FHOD3: variants seen among roughly 807,000 people sequenced by gnomAD.
FHOD3 encodes the protein formin homology 2 domain containing 3.
A neutral mutation model predicts 173.0 loss-of-function variants in FHOD3; 90 were observed. The observed-to-expected ratio is 0.52, with a 90% CI of 0.44 to 0.62. The LOEUF (loss-of-function observed/expected upper bound fraction) is 0.62, where lower values mean the gene tolerates loss of function less well. Among genes scored for constraint, FHOD3 ranks in the 20% least tolerant of loss-of-function variants. FHOD3 has a pLI of 0.00. For missense variants in FHOD3, 1,945 were observed against 2,034.7 expected, an observed-to-expected ratio of 0.96 and a Z score of 0.85; for synonymous variants, 828 against 823.0, an observed-to-expected ratio of 1.01 and a Z score of -0.10.
intron 3 of FHOD3, among the ~76,000 whole-genome samples, chr18:36,460,037 T>C (rs574543960): frequency 6.6e-6 from 1 of 152,338 alleles, no homozygotes; most frequent in Non-Finnish European, 1.5e-5. Context: ...TCGATTGTGA[T>C]TTGTCTCATG....
intron 3 of FHOD3, among the ~76,000 whole-genome samples, chr18:36,468,969 C>T (rs1001968619): frequency 1.3e-5 from 2 of 152,128 alleles, no homozygotes; most frequent in Admixed American, 6.5e-5. Context: ...AGGAGTCGGA[C>T]AGTTAACAAG....
rs992056617 is a variant in FHOD3, at chr18:36,703,555, C to T, written c.2237-5540C>T. On this transcript the variant is annotated intron_variant, in intron 17 of 28. Coordinates refer to ENST00000590592, the MANE Select transcript of FHOD3 (RefSeq NM_001281740.3). ...GGATGATGTAATATGATTCCTGGTA[C>T]AGCATCTGGGTGTAGAAGGTGCTCA... is the stretch of plus-strand genomic sequence containing the variant. Among the ~76,000 whole-genome samples, 3 of 152,284 alleles carry T rather than the reference C, an allele frequency of 2.0e-5. No individual in the cohort carries two copies. The East Asian group carries it at 5.8e-4, about 29-fold the overall frequency.
chr18:36,777,813 T>C (rs1337043855), intron 28 of FHOD3: 1 of 152,114 alleles, frequency 6.6e-6, no homozygotes, highest in Non-Finnish European at 1.5e-5. Flanking sequence ...GAGGAGCTAG[T>C]GCAAGAACAG....
chr18:36,709,130 G>A lies in FHOD3; in HGVS notation c.2272G>A (p.Glu758Lys), dbSNP rs771767630. 7 of 1,613,816 alleles carry A rather than the reference G, an allele frequency of 4.3e-6. No individual in the cohort carries two copies. The Middle Eastern group carries it at 5.0e-4, about 114-fold the overall frequency. The change falls in exon 18 of 29, where the codon GAA becomes AAA. Residue 758 changes from glutamate (E) to lysine (K), a missense_variant. Coordinates refer to ENST00000590592, the MANE Select transcript of FHOD3 (RefSeq NM_001281740.3). Reference protein sequence around the residue: ...AGDPEPESEAEPEAEAGAGQV... With the variant: ...AGDPEPESEAKPEAEAGAGQV... The stretch of plus-strand genomic sequence containing the variant: ...GGATCCTGAACCCGAATCAGAGGCA[G>A]AACCGGAAGCAGAGGCAGGGGCGGG...
chr18:36,517,210 C>T (rs766271436), intron 5 of FHOD3, among the ~76,000 whole-genome samples: 2 of 152,040 alleles, frequency 1.3e-5, no homozygotes, highest in Non-Finnish European at 2.9e-5. Flanking sequence ...TTGGGATAGC[C>T]AGTATTTAAT....
intron 3 of FHOD3, among the ~76,000 whole-genome samples, chr18:36,464,862 T>G (rs1384618152): frequency 2.0e-5 from 3 of 152,146 alleles, no homozygotes; most frequent in African/African-American, 7.2e-5. Context: ...TCTTCCTTCT[T>G]TCTTGTGTAC....
chr18:36,654,112 G>A (rs997617721), intron 13 of FHOD3, among the ~76,000 whole-genome samples: 6 of 152,080 alleles, frequency 3.9e-5, no homozygotes, highest in African/African-American at 1.4e-4. Flanking sequence ...ACCCTGCCAA[G>A]GCAAGTCCTT....
intron 10 of FHOD3, 26 bp downstream of exon 10, chr18:36,625,775 G>C: frequency 3.2e-6 from 5 of 1,566,056 alleles, no homozygotes; most frequent in South Asian, 1.2e-5. Context: ...GCAGTGGAGA[G>C]GGGTGCAAGG....
At chr18:36,462,332 G>A (rs898210945) in intron 3 of FHOD3, among the ~76,000 whole-genome samples, 2 of 151,802 alleles carry the variant, frequency 1.3e-5, no homozygotes, top group Non-Finnish European at 2.9e-5. Context: ...CTTTTTGGTT[G>A]GTTGGTTGGT....
intron 10 of FHOD3, among the ~76,000 whole-genome samples, chr18:36,628,930 C>T (rs1343136718): frequency 6.6e-6 from 1 of 152,254 alleles, no homozygotes; most frequent in Non-Finnish European, 1.5e-5. Flanking sequence ...ATACCAAACA[C>T]TGCATGGGAC....
At chr18:36,708,068 AAAAT>A (rs995725242) in intron 17 of FHOD3, among the ~76,000 whole-genome samples, 39 of 152,352 alleles carry the variant, frequency 2.6e-4, no homozygotes, top group African/African-American at 6.3e-4. Context: ...TTGCTCAGAA[AAAAT>A]AAATAAATAA....
At chr18:36,467,180 C>A (rs1320943925) in intron 3 of FHOD3, among the ~76,000 whole-genome samples, 2 of 152,126 alleles carry the variant, frequency 1.3e-5, no homozygotes, top group Non-Finnish European at 2.9e-5. Context: ...GAGCCGAGCA[C>A]ACCACCCTTC....
At chr18:36,765,708 G>A (rs1484460935) in intron 27 of FHOD3, among the ~76,000 whole-genome samples, 5 of 152,120 alleles carry the variant, frequency 3.3e-5, no homozygotes, top group Non-Finnish European at 7.4e-5. Context: ...TCATTGGATG[G>A]GCTTAGCAGA....
At chr18:36,585,302 G>A (rs1159216597) in intron 6 of FHOD3, among the ~76,000 whole-genome samples, 6 of 152,150 alleles carry the variant, frequency 3.9e-5, no homozygotes, top group Admixed American at 2.0e-4. Flanking sequence ...TGTAATATTT[G>A]TGTTGGAGTC....
chr18:36,382,564 G>A (rs1371724212), intron 3 of FHOD3, among the ~76,000 whole-genome samples: 1 of 152,160 alleles, frequency 6.6e-6, no homozygotes, highest in Non-Finnish European at 1.5e-5. Context: ...TCAACTAGAA[G>A]GTCAGAGGCA....
At chr18:36,669,615 C>T (rs1419285638) in intron 14 of FHOD3, among the ~76,000 whole-genome samples, 1 of 151,748 alleles carries the variant, frequency 6.6e-6, no homozygotes, top group South Asian at 2.1e-4. Context: ...CATAGTCTAC[C>T]TTTAAGTGAT....
rs376174040 is a variant in FHOD3, at chr18:36,602,799, G to A, written c.813+31G>A. 85 of 1,522,822 alleles carry A rather than the reference G, an allele frequency of 5.6e-5. 1 individual carries two copies. Among genetic ancestry groups the A allele is most frequent in the African/African-American group, 2.7e-4 (20 of 72,940 alleles). The allele number at this position is 1,522,822 out of a possible 1,614,324, so 94.3% of individuals were successfully genotyped here. A position where few individuals can be genotyped will look rare whatever the true frequency, so the allele number is the denominator to read the frequency against. ...TTGACTATGTTATGGGTTGAATTGCGTCACCTAAAAAGATATGTTAAAGCC... is the reference window on the plus strand; with the variant it reads ...TTGACTATGTTATGGGTTGAATTGCATCACCTAAAAAGATATGTTAAAGCC... On this transcript the variant is annotated intron_variant, in intron 8 of 28. Transcript: ENST00000590592.
intron 5 of FHOD3, among the ~76,000 whole-genome samples, chr18:36,530,294 T>G (rs1461341853): frequency 6.6e-6 from 1 of 152,178 alleles, no homozygotes; most frequent in Non-Finnish European, 1.5e-5. Flanking sequence ...TAGCACCTTC[T>G]CCCCACCTGG....
At chr18:36,406,543 C>T (rs8084081) in intron 3 of FHOD3, among the ~76,000 whole-genome samples, 1 of 151,728 alleles carries the variant, frequency 6.6e-6, no homozygotes, top group Non-Finnish European at 1.5e-5. Context: ...GACATTTAAA[C>T]GGGGTGTGTT....
Sources: gnomAD v4.1 joint callset for allele counts (sites outside exome capture counted in the v4.1 genomes callset) on GRCh38, gnomAD v4.1.1 for gene constraint, MANE v1.5 for transcripts, NCBI Gene and HGNC (gene_info 2026-07-23, HGNC 2026-07-21) for gene names.